The following PSKH2 variants were observed in gnomAD, a reference collection of about 807,000 sequenced individuals.
PSKH2 encodes the protein serine/threonine-protein kinase H2.
In PSKH2, 16 loss-of-function variants were observed where a neutral mutation model predicts 22.5. That is an observed-to-expected ratio of 0.71 (90% CI 0.48 to 1.08). The LOEUF (loss-of-function observed/expected upper bound fraction) is 1.08, where lower values mean the gene tolerates loss of function less well. Ranked by LOEUF, PSKH2 falls within the 50% of genes least tolerant of loss-of-function variation. PSKH2 has a pLI of 0.00. For missense variants in PSKH2, 516 were observed against 492.8 expected, an observed-to-expected ratio of 1.05 and a Z score of -0.44; for synonymous variants, 188 against 184.8, an observed-to-expected ratio of 1.02 and a Z score of -0.14.
intron 2 of PSKH2, among the ~76,000 whole-genome samples, chr8:86,054,330 A>C (rs2130148274): frequency 6.6e-6 from 1 of 152,328 alleles, no homozygotes; most frequent in Admixed American, 6.5e-5. Context: ...AGTTTTATTA[A>C]AAATTTCTAC....
At chr8:86,054,892 T>G (rs780505792) in intron 2 of PSKH2, among the ~76,000 whole-genome samples, 22 of 152,182 alleles carry the variant, frequency 1.4e-4, no homozygotes, top group Non-Finnish European at 3.2e-4. Context: ...TGAAGTTTTT[T>G]GAGCACCTAC....
At chr8:86,052,048 ATAGAC>A (rs1247454921) in intron 2 of PSKH2, among the ~76,000 whole-genome samples, 1 of 152,224 alleles carries the variant, frequency 6.6e-6, no homozygotes, top group East Asian at 1.9e-4. Flanking sequence ...AAAGTATAAA[ATAGAC>A]TAATATACAT....
At chr8:86,054,318 TA>T (rs953914311) in intron 2 of PSKH2, among the ~76,000 whole-genome samples, 4 of 152,208 alleles carry the variant, frequency 2.6e-5, no homozygotes, top group African/African-American at 9.6e-5. Context: ...CAAAAAATCA[TA>T]AGTTTTATTA....
In PSKH2 at chr8:86,048,110, A is replaced by C. The variant is rs1817554592; in HGVS notation, c.*352T>G. ...ATAAATACATATATTCCCCATATCT[A>C]ACTATTCCTGCTATGTCTCTGGTTC... On this transcript the variant is annotated 3_prime_UTR_variant, in exon 3 of 3. Transcript: ENST00000276616. 6.6e-6 allele frequency among the ~76,000 whole-genome samples: 1 copy of C among 152,204 alleles called. No homozygotes were observed. Among genetic ancestry groups the C allele is most frequent in the Admixed American group, 6.5e-5 (1 of 15,274 alleles).
rs34037815 is a variant in PSKH2, at chr8:86,064,021, T to G, written c.796A>C (p.Ser266Arg). The G allele has an allele frequency of 6.3e-3, 10,206 of 1,614,062 alleles. 194 individuals carry two copies. The highest frequency in any genetic ancestry group is 0.047 in the South Asian group (4,238 of 91,046). The part of the protein sequence containing the change: ...LSGFLPFDDE[S>R]QTRLYRKILK... ...ATCTTCCTGTAAAGCCTTGTCTGGCTTTCATCATCAAAAGGCAGGAATCCG... is the reference window on the plus strand; with the variant it reads ...ATCTTCCTGTAAAGCCTTGTCTGGCGTTCATCATCAAAAGGCAGGAATCCG... The change falls in exon 2 of 3, where the codon AGC (serine) becomes CGC (arginine). Residue 266 changes from serine (S) to arginine (R), a missense_variant. Transcript: ENST00000276616.
At chr8:86,061,428 A>G (rs955661506) in intron 2 of PSKH2, among the ~76,000 whole-genome samples, 1 of 152,098 alleles carries the variant, frequency 6.6e-6, no homozygotes, top group African/African-American at 2.4e-5. Context: ...CCGCACCCCC[A>G]TATCACACTC....
At chr8:86,062,346 T>C (rs1163364936) in intron 2 of PSKH2, among the ~76,000 whole-genome samples, 1 of 152,224 alleles carries the variant, frequency 6.6e-6, no homozygotes, top group Non-Finnish European at 1.5e-5. Context: ...AAACCTTTGC[T>C]GCATCTGGGA....
chr8:86,064,101 T>C lies in PSKH2; in HGVS notation c.716A>G (p.Tyr239Cys), dbSNP rs1474501089. 5.6e-6 allele frequency: 9 copies of C among 1,614,154 alleles called. No homozygotes were observed. The highest frequency in any genetic ancestry group is 3.3e-5 in the Admixed American group (2 of 60,020). Residue 239 changes from tyrosine (Y) to cysteine (C), a missense_variant, in exon 2 of 3, where the codon TAT becomes TGT. Physicochemically the swap from Tyr to Cys is radical, Grantham distance 194. Coordinates refer to ENST00000276616, the MANE Select transcript of PSKH2 (RefSeq NM_033126.3). ...AGCCCACATGTCCACTGCACTGGTATAAGGCTTCCTTAGCAAAACCTCAGG... is the reference window on the plus strand; with the variant it reads ...AGCCCACATGTCCACTGCACTGGTACAAGGCTTCCTTAGCAAAACCTCAGG... ...IAPEVLLRKP[Y>C]TSAVDMWALG...
chr8:86,069,525 C>T lies in PSKH2; in HGVS notation c.98G>A (p.Gly33Glu). Residue 33 changes from glycine to glutamate, a missense_variant, in exon 1 of 3, where the codon GGG (glycine) becomes GAG (glutamate). By Grantham distance (98) the Gly-to-Glu change is moderately conservative (BLOSUM62 -2). Transcript: ENST00000276616. ...CTGGGCCGCCGCCTCGGGCCCAGGCCCCGCGCCTCCGACGCCGGCTTGGTT... is the reference window on the plus strand; with the variant it reads ...CTGGGCCGCCGCCTCGGGCCCAGGCTCCGCGCCTCCGACGCCGGCTTGGTT... ...GQNQAGVGGA[G>E]PGPEAAAQAA... 1 of 1,608,996 alleles carries T rather than the reference C, an allele frequency of 6.2e-7. No individual in the cohort carries two copies.
At position 86,048,740 on chromosome 8, in the gene PSKH2, T is replaced by G; in HGVS notation, c.880A>C (p.Lys294Gln). The G allele has an allele frequency of 6.2e-7, 1 of 1,610,812 alleles. No homozygotes were observed. The highest frequency in any genetic ancestry group is 8.5e-7 in the Non-Finnish European group (1 of 1,177,572). ...ATCAGTAGTTTGTCTATAAAGTCCT[T>G]CGCCAAGTGGGAAATGCTTGGCCAA... ...EPWPSISHLA[K>Q]DFIDKLLILE... Residue 294 changes from lysine (K) to glutamine (Q), a missense_variant, in exon 3 of 3, where the codon AAG becomes CAG. By Grantham distance (53) the Lys-to-Gln change is moderately conservative. Coordinates refer to ENST00000276616, the MANE Select transcript of PSKH2 (RefSeq NM_033126.3).
rs1287426420 is a variant in PSKH2, at chr8:86,047,366, T to A, written c.*1096A>T. 6.6e-6 allele frequency among the ~76,000 whole-genome samples: 1 copy of A among 152,082 alleles called. No homozygotes were observed. Among genetic ancestry groups the A allele is most frequent in the African/African-American group, 2.4e-5 (1 of 41,420 alleles). On this transcript the variant is annotated 3_prime_UTR_variant, in exon 3 of 3. Coordinates refer to ENST00000276616, the MANE Select transcript of PSKH2 (RefSeq NM_033126.3). ...TTGTGTCACTAATTACATATTCTTA[T>A]CTATATATCAGATATATAGCTGTTC...
intron 1 of PSKH2, chr8:86,066,429 C>T (rs974000482): frequency 6.6e-6 from 1 of 152,074 alleles, no homozygotes; most frequent in Non-Finnish European, 1.5e-5. Flanking sequence ...TCTTGAACTC[C>T]TGACCTGAAG....
Position 86,069,430 on chromosome 8 carries a change from C to A in PSKH2, c.185+8G>T. On this transcript the variant is annotated splice_region_variant and intron_variant, in intron 1 of 2. Transcript: ENST00000276616. Reference sequence around the variant, plus strand: ...AGTCCCAGGCCAGTTCCTCACGTGGCGCTTTACCTGGCAAGGACCCGGGGG... The same window carrying A: ...AGTCCCAGGCCAGTTCCTCACGTGGAGCTTTACCTGGCAAGGACCCGGGGG... The A allele has an allele frequency of 6.4e-7, 1 of 1,571,000 alleles. No homozygotes were observed. Among genetic ancestry groups the A allele is most frequent in the South Asian group, 1.2e-5 (1 of 86,598 alleles).
At chr8:86,055,980 CTGTGTG>C (rs55968832) in intron 2 of PSKH2, among the ~76,000 whole-genome samples, 2 of 149,916 alleles carry the variant, frequency 1.3e-5, no homozygotes, top group African/African-American at 4.9e-5. Context: ...ATGTGTGTGT[CTGTGTG>C]TGTGTGTGTG....
At chr8:86,056,375 A>T (rs1234018164) in intron 2 of PSKH2, among the ~76,000 whole-genome samples, 4 of 152,154 alleles carry the variant, frequency 2.6e-5, no homozygotes, top group East Asian at 1.9e-4. Context: ...TCCTTTTTTT[A>T]AAATCAATGC....
chr8:86,052,964 T>C (rs1361360432), intron 2 of PSKH2, among the ~76,000 whole-genome samples: 1 of 152,184 alleles, frequency 6.6e-6, no homozygotes, highest in Non-Finnish European at 1.5e-5. Flanking sequence ...GGCATAAAAC[T>C]GAAACTTACA....
chr8:86,064,789 C>A (rs886113700), intron 1 of PSKH2, among the ~76,000 whole-genome samples, 158 bp from the exon 2 acceptor site: 2 of 152,010 alleles, frequency 1.3e-5, no homozygotes, highest in Admixed American at 6.6e-5. Flanking sequence ...AAAGGTACCC[C>A]AAATCCTGTT....
chr8:86,067,963 T>G (rs1817888845), intron 1 of PSKH2, among the ~76,000 whole-genome samples: 1 of 152,154 alleles, frequency 6.6e-6, no homozygotes, highest in Non-Finnish European at 1.5e-5. Context: ...CTGTGATGCC[T>G]TTACACTCTA....
intron 2 of PSKH2, among the ~76,000 whole-genome samples, chr8:86,059,919 T>C (rs576101654): frequency 6.6e-6 from 1 of 152,250 alleles, no homozygotes; most frequent in Non-Finnish European, 1.5e-5. Flanking sequence ...GTGGAAAAGA[T>C]TTGCATCTGT....
Sources: allele counts gnomAD v4.1 joint callset (sites outside exome capture counted in the v4.1 genomes callset), GRCh38; gene constraint gnomAD v4.1.1; transcripts MANE v1.5; gene names NCBI Gene and HGNC (gene_info 2026-07-23, HGNC 2026-07-21).